CNTNAP2: variants seen among roughly 807,000 people sequenced by gnomAD.
CNTNAP2 encodes the protein contactin-associated protein-like 2.
In CNTNAP2, 98 loss-of-function variants were observed where a neutral mutation model predicts 155.2. The ratio of observed to expected loss-of-function variants is 0.63; its 90% CI spans 0.54 to 0.75. The LOEUF (loss-of-function observed/expected upper bound fraction) is 0.75. CNTNAP2 is among the 30% of genes least tolerant of loss of function. CNTNAP2 has a pLI of 0.00. For missense variants in CNTNAP2, 1,727 were observed against 1,688.1 expected (o/e 1.02, Z -0.40); for synonymous variants, 651 against 631.2 (o/e 1.03, Z -0.47).
At chr7:146,812,442 A>AAATATATATATATATATATATATATAT (rs1206681484) in intron 2 of CNTNAP2, among the ~76,000 whole-genome samples, 2 of 141,786 alleles carry the variant, frequency 1.4e-5, no homozygotes, top group African/African-American at 5.6e-5. Flanking sequence ...TATATATATA[A>AAATATATATATATATATATATATATAT]AAAATATATA....
At chr7:147,229,907 C>A (rs1248605538) in intron 8 of CNTNAP2, among the ~76,000 whole-genome samples, 1 of 152,100 alleles carries the variant, frequency 6.6e-6, no homozygotes, top group Non-Finnish European at 1.5e-5. Flanking sequence ...TGGCTTAAAA[C>A]CATCTTTCTA....
At chr7:146,587,511 C>G (rs1336142899) in intron 1 of CNTNAP2, among the ~76,000 whole-genome samples, 2 of 152,226 alleles carry the variant, frequency 1.3e-5, no homozygotes, top group South Asian at 4.1e-4. Flanking sequence ...CACGTCATCA[C>G]CTTTTAATCA....
At chr7:148,050,510 G>C (rs1341641761) in intron 15 of CNTNAP2, among the ~76,000 whole-genome samples, 1 of 152,068 alleles carries the variant, frequency 6.6e-6, no homozygotes, top group East Asian at 1.9e-4. Context: ...TATCACAAAA[G>C]AGTAAAAAAG....
intron 2 of CNTNAP2, among the ~76,000 whole-genome samples, chr7:146,817,404 G>A (rs773853861): frequency 9.9e-5 from 15 of 151,856 alleles, no homozygotes; most frequent in Admixed American, 2.0e-4. Flanking sequence ...CCCGGGAGGC[G>A]GAAGTTGCAG....
intron 9 of CNTNAP2, among the ~76,000 whole-genome samples, chr7:147,326,485 T>G (rs190722559): frequency 6.6e-6 from 1 of 152,332 alleles, no homozygotes; most frequent in Admixed American, 6.5e-5. Flanking sequence ...CTATTGTGAA[T>G]GTACTAATGA....
At chr7:147,128,575 TATA>T in intron 6 of CNTNAP2, 115 bp from the exon 7 acceptor site, 2 of 1,125,488 alleles carry the variant, frequency 1.8e-6, no homozygotes, top group East Asian at 4.9e-5. Flanking sequence ...GGCAGAATGC[TATA>T]ATATTTGTAT....
intron 10 of CNTNAP2, 49 bp downstream of exon 10, chr7:147,395,829 T>C (rs776558752): frequency 1.2e-6 from 2 of 1,604,262 alleles, no homozygotes; most frequent in South Asian, 1.1e-5. Flanking sequence ...TTTCCAAACC[T>C]GTGTTTCTGT....
At chr7:146,302,951 A>T (rs1486461039) in intron 1 of CNTNAP2, among the ~76,000 whole-genome samples, 1 of 152,160 alleles carries the variant, frequency 6.6e-6, no homozygotes, top group East Asian at 1.9e-4. Flanking sequence ...TCTGTAGTAT[A>T]GCAGACACAG....
chr7:146,914,301 G>T (rs961396833), intron 3 of CNTNAP2, among the ~76,000 whole-genome samples: 2 of 151,604 alleles, frequency 1.3e-5, no homozygotes, highest in African/African-American at 2.4e-5. Flanking sequence ...TTTCCCTCTG[G>T]GTAGGTACCC....
At position 146,811,997 on chromosome 7, in the gene CNTNAP2, A is replaced by G. The variant is rs182314640; in HGVS notation, c.209-27714A>G. ...ATTAAACCTCTTTCCTTTATAAATC[A>G]CCCAGTCTCAGGTATGTCTTTATTG... On this transcript the variant is annotated intron_variant, in intron 2 of 23. Coordinates refer to ENST00000361727, the MANE Select transcript of CNTNAP2 (RefSeq NM_014141.6). Among the ~76,000 whole-genome samples, 483 of 152,208 alleles carry G rather than the reference A, an allele frequency of 3.2e-3. 3 individuals carry two copies. The highest frequency in any genetic ancestry group is 4.6e-3 in the Non-Finnish European group (316 of 68,018).
At chr7:146,137,531 G>A (rs1797815183) in intron 1 of CNTNAP2, among the ~76,000 whole-genome samples, 2 of 152,048 alleles carry the variant, frequency 1.3e-5, no homozygotes, top group East Asian at 1.9e-4. Flanking sequence ...TGATTACGCT[G>A]TACTAGCAAA....
At chr7:147,098,865 G>A (rs1800597369) in intron 4 of CNTNAP2, among the ~76,000 whole-genome samples, 2 of 152,090 alleles carry the variant, frequency 1.3e-5, no homozygotes, top group South Asian at 2.1e-4. Flanking sequence ...TAAACTGCTT[G>A]TCTTCTCTGA....
intron 15 of CNTNAP2, among the ~76,000 whole-genome samples, chr7:148,094,994 A>C (rs1803931671): frequency 1.3e-5 from 2 of 152,236 alleles, no homozygotes. Context: ...AGGCAGTGGA[A>C]CCAATGAAAT....
intron 4 of CNTNAP2, chr7:147,082,406 C>A (rs1039815838): frequency 3.9e-5 from 6 of 152,146 alleles, no homozygotes; most frequent in African/African-American, 1.4e-4. Flanking sequence ...AGCATCTGCT[C>A]ATAACTCATT....
At chr7:147,622,882 G>T (rs1221629570) in intron 12 of CNTNAP2, among the ~76,000 whole-genome samples, 1 of 151,738 alleles carries the variant, frequency 6.6e-6, no homozygotes, top group African/African-American at 2.4e-5. Flanking sequence ...CCTTTAGCCA[G>T]ACTAGGAAAA....
intron 4 of CNTNAP2, among the ~76,000 whole-genome samples, chr7:147,075,931 T>G (rs1799990086): frequency 6.6e-6 from 1 of 152,210 alleles, no homozygotes; most frequent in Admixed American, 6.5e-5. Context: ...GGTTTCCAGC[T>G]TCATCCATTT....
chr7:146,160,162 A>G (rs1383937249), intron 1 of CNTNAP2, among the ~76,000 whole-genome samples: 2 of 152,222 alleles, frequency 1.3e-5, no homozygotes, highest in Admixed American at 6.5e-5. Context: ...AAGACACAAC[A>G]TACCAGAATC....
At chr7:146,910,904 C>T (rs1033198284) in intron 3 of CNTNAP2, among the ~76,000 whole-genome samples, 17 of 150,940 alleles carry the variant, frequency 1.1e-4, no homozygotes, top group African/African-American at 2.2e-4. Flanking sequence ...GCAACCTACT[C>T]ATCTGACAAA....
intron 1 of CNTNAP2, among the ~76,000 whole-genome samples, chr7:146,607,513 G>A (rs1470862227): frequency 6.6e-6 from 1 of 151,950 alleles, no homozygotes; most frequent in African/African-American, 2.4e-5. Context: ...GTCTTTTTCT[G>A]TCACCCAGAC....
Sources: allele counts gnomAD v4.1 joint callset (sites outside exome capture counted in the v4.1 genomes callset), GRCh38; gene constraint gnomAD v4.1.1; transcripts MANE v1.5; gene names NCBI Gene and HGNC (gene_info 2026-07-23, HGNC 2026-07-21).